The following SOX5 variants were observed in gnomAD, a reference collection of about 807,000 sequenced individuals.
The protein encoded by SOX5 is transcription factor SOX-5.
Under a neutral mutation model 92.0 loss-of-function variants are expected in SOX5, and 9 were observed. The ratio of observed to expected loss-of-function variants is 0.10; its 90% CI spans 0.06 to 0.17. The LOEUF (loss-of-function observed/expected upper bound fraction) is 0.17, where lower values mean the gene tolerates loss of function less well. SOX5 is among the 10% of genes least tolerant of loss of function. SOX5 has a pLI of 1.00. For missense variants in SOX5, 642 were observed against 944.5 expected (o/e 0.68, Z 4.20); for synonymous variants, 344 against 336.3 (o/e 1.02, Z -0.25).
chr12:23,813,222 T>C lies in SOX5; in HGVS notation c.481+32761A>G, dbSNP rs140468107. Among the ~76,000 whole-genome samples the C allele has an allele frequency of 2.6e-4, 39 of 152,300 alleles. 1 individual carries two copies. In the East Asian group the frequency reaches 7.1e-3, roughly 28 times the overall value. On this transcript the variant is annotated intron_variant, in intron 3 of 14. Coordinates refer to ENST00000451604, the MANE Select transcript of SOX5 (RefSeq NM_006940.6). Reference sequence around the variant, plus strand: ...TTCTTTCCTGCTTTTTATTTCTTTATACAACTCAGAGACTCAAAGAAGATA... The same window carrying C: ...TTCTTTCCTGCTTTTTATTTCTTTACACAACTCAGAGACTCAAAGAAGATA...
At chr12:24,054,559 C>A (rs922123585) in intron 4 of SOX5, among the ~76,000 whole-genome samples, 3 of 152,172 alleles carry the variant, frequency 2.0e-5, no homozygotes, top group Admixed American at 6.5e-5. Context: ...ATAGATAAAT[C>A]TCCCTGACAC....
rs368020257 is a variant in SOX5 at position 23,994,264 on chromosome 12, G to A, written c.-1-98240C>T. 2.6e-5 allele frequency among the ~76,000 whole-genome samples: 4 copies of A among 152,078 alleles called. No homozygotes were observed. In the South Asian group the frequency reaches 6.2e-4, roughly 24 times the overall value. On this transcript the variant is annotated intron_variant, in intron 4 of 4. Coordinates refer to the SOX5 transcript ENST00000446891. Reference sequence around the variant, plus strand: ...TATGATAGTAAAGGAAAGAAATAGAGCAAAAATGAAGAACAGATAGTAAAA... The same window carrying A: ...TATGATAGTAAAGGAAAGAAATAGAACAAAAATGAAGAACAGATAGTAAAA...
Position 24,184,250 on chromosome 12 carries a change from G to A in SOX5, c.-2+29093C>T, listed in dbSNP as rs545694781. 5.9e-5 allele frequency among the ~76,000 whole-genome samples: 9 copies of A among 152,204 alleles called. No homozygotes were observed. The East Asian group carries it at 1.7e-3, about 29-fold the overall frequency. On this transcript the variant is annotated intron_variant, in intron 4 of 4. Coordinates refer to the SOX5 transcript ENST00000446891. ...AACTTTAATTCTACCTTATTTGATAGTATGATCAACAACAAAACTAAGGTT... is the reference window on the plus strand; with the variant it reads ...AACTTTAATTCTACCTTATTTGATAATATGATCAACAACAAAACTAAGGTT...
At chr12:24,030,156 T>C (rs924475165) in intron 4 of SOX5, among the ~76,000 whole-genome samples, 1 of 151,934 alleles carries the variant, frequency 6.6e-6, no homozygotes, top group Non-Finnish European at 1.5e-5. Context: ...GGCTATATTA[T>C]GCCAACTTTG....
At chr12:24,400,307 C>G (rs1961214722) in intron 1 of SOX5, among the ~76,000 whole-genome samples, 1 of 152,150 alleles carries the variant, frequency 6.6e-6, no homozygotes, top group Admixed American at 6.6e-5. Context: ...TTCTTTTCTT[C>G]CTTCTTTTCA....
At chr12:24,422,162 T>C (rs1178639860) in intron 1 of SOX5, among the ~76,000 whole-genome samples, 2 of 152,230 alleles carry the variant, frequency 1.3e-5, no homozygotes, top group African/African-American at 4.8e-5. Context: ...ATGAAAGCTA[T>C]TCATTACACT....
chr12:23,603,466 ATT>A (rs910852755), intron 9 of SOX5, among the ~76,000 whole-genome samples: 2 of 136,138 alleles, frequency 1.5e-5, no homozygotes, highest in African/African-American at 2.8e-5. Flanking sequence ...ATATATATAT[ATT>A]TTGCTGGTAA....
chr12:23,932,362 C>T (rs1262550661), intron 1 of SOX5, among the ~76,000 whole-genome samples: 1 of 151,590 alleles, frequency 6.6e-6, no homozygotes, highest in Non-Finnish European at 1.5e-5. Flanking sequence ...ATATCTGATG[C>T]TTGACTGGAC....
At chr12:24,367,325 C>A (rs1332306535) in intron 2 of SOX5, among the ~76,000 whole-genome samples, 1 of 152,092 alleles carries the variant, frequency 6.6e-6, no homozygotes, top group Non-Finnish European at 1.5e-5. Context: ...AAAGAAATGC[C>A]ACGCTATTCA....
At chr12:24,219,678 T>G (rs368508127) in intron 3 of SOX5, among the ~76,000 whole-genome samples, 11 of 152,240 alleles carry the variant, frequency 7.2e-5, no homozygotes, top group African/African-American at 2.6e-4. Flanking sequence ...TCTGTTTAGT[T>G]AAAACATATT....
chr12:24,068,144 C>CAAACA (rs934615257), intron 4 of SOX5, among the ~76,000 whole-genome samples: 18 of 151,898 alleles, frequency 1.2e-4, no homozygotes, highest in African/African-American at 4.4e-4. Context: ...GACTCCGTCT[C>CAAACA]AAACAAAACA....
intron 8 of SOX5, among the ~76,000 whole-genome samples, chr12:23,625,659 G>C (rs1470832052): frequency 6.6e-6 from 1 of 152,166 alleles, no homozygotes; most frequent in Non-Finnish European, 1.5e-5. Flanking sequence ...GCCCAGGCTG[G>C]TGTGCGGTGG....
At chr12:23,984,090 T>C (rs1949845825) in intron 4 of SOX5, among the ~76,000 whole-genome samples, 2 of 152,172 alleles carry the variant, frequency 1.3e-5, no homozygotes, top group Non-Finnish European at 2.9e-5. Flanking sequence ...TTCATTCCTC[T>C]GTATTTTACG....
At chr12:24,507,048 C>T (rs7304404) in intron 1 of SOX5, among the ~76,000 whole-genome samples, 105,964 of 151,232 alleles carry the variant, frequency 0.7, 38,915 homozygotes, top group East Asian at 0.98. Flanking sequence ...CCTCGGCCTC[C>T]CAAAGTGCTG....
chr12:24,408,847 G>A lies in SOX5; in HGVS notation c.-250-40208C>T, dbSNP rs1002658788. On this transcript the variant is annotated intron_variant, in intron 1 of 4. Transcript: ENST00000446891. ...AACAACAGATGCTGGTGAGGCTGTT[G>A]AGAAATAGGAACGCTTTTACACTGC... is the stretch of plus-strand genomic sequence containing the variant. Among the ~76,000 whole-genome samples the A allele has an allele frequency of 2.6e-5, 4 of 152,180 alleles. No homozygotes were observed. In the South Asian group the frequency reaches 8.3e-4, roughly 32 times the overall value.
intron 3 of SOX5, among the ~76,000 whole-genome samples, chr12:24,236,452 A>G (rs991390782): frequency 2.6e-5 from 4 of 152,172 alleles, no homozygotes; most frequent in African/African-American, 4.8e-5. Context: ...CATAGGAAAA[A>G]GTTTTCAATT....
intron 2 of SOX5, among the ~76,000 whole-genome samples, chr12:24,323,323 G>C (rs1417980143): frequency 6.6e-6 from 1 of 150,422 alleles, no homozygotes; most frequent in Non-Finnish European, 1.5e-5. Flanking sequence ...ATATATATAT[G>C]CACATATATA....
chr12:23,640,964 G>T, intron 7 of SOX5, 67 bp from the exon 8 acceptor site: 1 of 1,051,056 alleles, frequency 9.5e-7, no homozygotes, highest in Non-Finnish European at 1.4e-6. Flanking sequence ...TTAAACTCAT[G>T]CATTCACTCT....
intron 2 of SOX5, among the ~76,000 whole-genome samples, chr12:24,364,135 T>C (rs921675677): frequency 4.6e-5 from 7 of 152,164 alleles, no homozygotes; most frequent in African/African-American, 1.7e-4. Context: ...AAAACATGTA[T>C]GTGAATTTTC....
Sources: gnomAD v4.1 joint callset for allele counts (sites outside exome capture counted in the v4.1 genomes callset) on GRCh38, gnomAD v4.1.1 for gene constraint, MANE v1.5 for transcripts, NCBI Gene and HGNC (gene_info 2026-07-23, HGNC 2026-07-21) for gene names.